Variants in ITPR1 observed in about 807,000 individuals in gnomAD.
ITPR1 encodes inositol 1,4,5-trisphosphate receptor type 1, also known as inositol 1,4,5-trisphosphate-gated calcium channel ITPR1.
ITPR1 carries 96 observed loss-of-function variants against 318.4 expected under a neutral mutation model. The ratio of observed to expected loss-of-function variants is 0.30; its 90% CI spans 0.26 to 0.36. The LOEUF (loss-of-function observed/expected upper bound fraction) is 0.36, where lower values mean the gene tolerates loss of function less well. Ranked by LOEUF, ITPR1 falls within the 10% of genes least tolerant of loss-of-function variation. ITPR1 has a pLI of 1.00. For missense variants in ITPR1, 2,440 were observed against 3,460.2 expected (o/e 0.71, Z 7.40); for synonymous variants, 1,312 against 1,289.9 (o/e 1.02, Z -0.37).
chr3:4,564,128 A>G (rs1456885480), intron 4 of ITPR1, among the ~76,000 whole-genome samples: 1 of 151,852 alleles, frequency 6.6e-6, no homozygotes, highest in Non-Finnish European at 1.5e-5. Flanking sequence ...TTTTGTAGAG[A>G]CGGGGTTTCA....
At chr3:4,737,822 G>T (rs540389230) in intron 44 of ITPR1, among the ~76,000 whole-genome samples, 1 of 152,332 alleles carries the variant, frequency 6.6e-6, no homozygotes, top group South Asian at 2.1e-4. Context: ...GAGCTCTCTG[G>T]GTGCTGGAAA....
At position 4,528,846 on chromosome 3, in the gene ITPR1, A is replaced by G. The variant is rs116133217; in HGVS notation, c.163+7752A>G. On this transcript the variant is annotated intron_variant, in intron 4 of 61. Coordinates refer to ENST00000649015, the MANE Select transcript of ITPR1 (RefSeq NM_001378452.1). The stretch of plus-strand genomic sequence containing the variant: ...TCAATTCAAATTTAATAAAAAGATT[A>G]ATAGTTTTTTGTAATCTTCATTTCA... 2.8e-3 allele frequency among the ~76,000 whole-genome samples: 428 copies of G among 152,334 alleles called. 5 individuals are homozygous for G. Among genetic ancestry groups the G allele is most frequent in the African/African-American group, 9.9e-3 (411 of 41,574 alleles).
At chr3:4,806,404 C>T (rs1019182678) in intron 55 of ITPR1, 137 bp downstream of exon 55, 19 of 860,068 alleles carry the variant, frequency 2.2e-5, no homozygotes, top group East Asian at 5.1e-5. Context: ...CCACAGTTGG[C>T]AGCCTTTGGG....
intron 4 of ITPR1, among the ~76,000 whole-genome samples, chr3:4,560,774 C>G (rs1433092335): frequency 6.6e-6 from 1 of 152,172 alleles, no homozygotes; most frequent in Non-Finnish European, 1.5e-5. Flanking sequence ...CCCAAGGTCT[C>G]ATGGAGGGAA....
rs923050767 is a variant in ITPR1 at position 4,774,136 on chromosome 3, A to C, written c.5980-1106A>C. On this transcript the variant is annotated intron_variant, in intron 46 of 61. Transcript: ENST00000649015. ...ATATTGGAACGGGAACATTTGTTAC[A>C]TATTAATCTATATGCCTTTTTGAAA... Among the ~76,000 whole-genome samples the C allele has an allele frequency of 9.2e-5, 14 of 152,264 alleles. No individual in the cohort carries two copies. The South Asian group carries it at 1.0e-3, about 11-fold the overall frequency.
At chr3:4,723,074 G>A (rs954372710) in intron 40 of ITPR1, among the ~76,000 whole-genome samples, 1 of 152,202 alleles carries the variant, frequency 6.6e-6, no homozygotes, top group Non-Finnish European at 1.5e-5. Flanking sequence ...CTTGAACCCT[G>A]GAGGCGGAGG....
chr3:4,553,143 G>A (rs954926425), intron 4 of ITPR1, among the ~76,000 whole-genome samples: 4 of 152,164 alleles, frequency 2.6e-5, no homozygotes, highest in Admixed American at 6.5e-5. Context: ...GAAGTTTATT[G>A]TGGTGGGAGG....
intron 4 of ITPR1, among the ~76,000 whole-genome samples, chr3:4,609,018 A>C (rs1354178082): frequency 3.6e-5 from 5 of 137,100 alleles, no homozygotes; most frequent in Admixed American, 1.5e-4. Context: ...AAAAAAAAAA[A>C]AAAAAAACAA....
intron 5 of ITPR1, among the ~76,000 whole-genome samples, chr3:4,631,099 G>A (rs1450976886): frequency 6.6e-6 from 1 of 152,230 alleles, no homozygotes; most frequent in Non-Finnish European, 1.5e-5. Flanking sequence ...ATAAAGGGAT[G>A]TTCTTCCTCG....
intron 60 of ITPR1, among the ~76,000 whole-genome samples, chr3:4,835,144 C>T (rs1200552744): frequency 1.7e-5 from 2 of 119,734 alleles, no homozygotes; most frequent in African/African-American, 6.3e-5. Context: ...CTTAAGCAAA[C>T]ACTCTATGAC....
intron 4 of ITPR1, among the ~76,000 whole-genome samples, chr3:4,578,948 G>A (rs181671633): frequency 1.1e-4 from 17 of 152,232 alleles, no homozygotes; most frequent in South Asian, 4.1e-4. Context: ...TTATCTTGTC[G>A]TTCTGAGGCT....
Position 4,699,792 on chromosome 3 carries a change from A to G in ITPR1, c.4408-21A>G, listed in dbSNP as rs745338511. On this transcript the variant is annotated intron_variant, in intron 34 of 61. Transcript: ENST00000649015. ...GGTGTAGGTTTTGGTGTAATGCTTA[A>G]CATACCCACTTGTCTTCCAGGCCTG... 7.4e-6 allele frequency: 12 copies of G among 1,612,888 alleles called. No homozygotes were observed. The Admixed American group carries it at 1.8e-4, about 25-fold the overall frequency.
chr3:4,702,945 A>G lies in ITPR1; in HGVS notation c.4652A>G (p.Asp1551Gly). Residue 1551 changes from aspartate (D) to glycine (G), a missense_variant, in exon 36 of 62, where the codon GAT (aspartate) becomes GGT (glycine). Asp to Gly is a moderately conservative substitution (Grantham distance 94). This residue lies in a region of ITPR1 where 166 missense variants were observed against 246.5 expected (regional missense o/e 0.67). Coordinates refer to ENST00000649015, the MANE Select transcript of ITPR1 (RefSeq NM_001378452.1). The stretch of plus-strand genomic sequence containing the variant: ...GAGAGCTGTATTCGGGTGCTGTCTG[A>G]TGTAGGTAAGATACCAAGTCAGTTT... ...SVESCIRVLS[D>G]VAKSRAIAIP... 1 of 1,613,794 alleles carries G rather than the reference A, an allele frequency of 6.2e-7. No homozygotes were observed. Among genetic ancestry groups the G allele is most frequent in the Non-Finnish European group, 8.5e-7 (1 of 1,179,718 alleles).
At chr3:4,647,667 G>A (rs2093491038) in intron 10 of ITPR1, among the ~76,000 whole-genome samples, 2 of 152,146 alleles carry the variant, frequency 1.3e-5, no homozygotes, top group East Asian at 3.9e-4. Context: ...TTCAATGTGG[G>A]TTGGATTTGC....
Position 4,844,310 on chromosome 3 carries a change from GA to G in ITPR1, c.8191-1828del, listed in dbSNP as rs760950440. Among the ~76,000 whole-genome samples, 48 of 152,090 alleles carry G rather than the reference GA, an allele frequency of 3.2e-4. 1 individual carries two copies. Among genetic ancestry groups the G allele is most frequent in the South Asian group, 1.5e-3 (7 of 4,802 alleles). On this transcript the variant is annotated intron_variant, in intron 61 of 61. Coordinates refer to ENST00000649015, the MANE Select transcript of ITPR1 (RefSeq NM_001378452.1). The stretch of plus-strand genomic sequence containing the variant: ...CTAATTTTTTTTCCCCTTTGGTAGA[GA>G]TGGGGTTTTGCTACGTTGCCCAGGC...
At chr3:4,731,448 G>A (rs1249282087) in intron 42 of ITPR1, among the ~76,000 whole-genome samples, 1 of 152,148 alleles carries the variant, frequency 6.6e-6, no homozygotes, top group Non-Finnish European at 1.5e-5. Flanking sequence ...CAGTCCAGTG[G>A]GAAATGAGTT....
intron 60 of ITPR1, among the ~76,000 whole-genome samples, chr3:4,832,097 A>C (rs2050558879): frequency 6.6e-6 from 1 of 152,234 alleles, no homozygotes; most frequent in Admixed American, 6.5e-5. Flanking sequence ...ATGATTATTT[A>C]ATTAAAACAC....
At chr3:4,638,373 G>A (rs1011932620) in intron 5 of ITPR1, among the ~76,000 whole-genome samples, 4 of 152,210 alleles carry the variant, frequency 2.6e-5, no homozygotes, top group Non-Finnish European at 5.9e-5. Flanking sequence ...CTGGGATGAA[G>A]CCCGTTGCCC....
intron 23 of ITPR1, among the ~76,000 whole-genome samples, chr3:4,676,313 C>G (rs1220650657): frequency 6.6e-6 from 1 of 151,830 alleles, no homozygotes; most frequent in Non-Finnish European, 1.5e-5. Flanking sequence ...TCACTGCACT[C>G]CAGCCTAGGT....
Sources: allele counts gnomAD v4.1 joint callset (sites outside exome capture counted in the v4.1 genomes callset), GRCh38; gene constraint gnomAD v4.1.1; regional missense constraint gnomAD v4.1.1; transcripts MANE v1.5; gene names NCBI Gene and HGNC (gene_info 2026-07-23, HGNC 2026-07-21).